The following RAB6A variants were observed in gnomAD, a reference collection of about 807,000 sequenced individuals.
RAB6A encodes RAB6A, member RAS oncogene family, also known as ras-related protein Rab-6A.
Under a neutral mutation model 32.3 loss-of-function variants are expected in RAB6A, and 8 were observed. The observed-to-expected ratio is 0.25, with a 90% CI of 0.15 to 0.45. The LOEUF (loss-of-function observed/expected upper bound fraction) is 0.45. Ranked by LOEUF, RAB6A falls within the 20% of genes least tolerant of loss-of-function variation. The pLI is 1.00. For missense variants in RAB6A, 104 were observed against 249.4 expected, an observed-to-expected ratio of 0.42 and a Z score of 3.93; for synonymous variants, 73 against 82.1, an observed-to-expected ratio of 0.89 and a Z score of 0.60.
At chr11:73,712,117 T>C (rs1460812949) in intron 5 of RAB6A, among the ~76,000 whole-genome samples, 2 of 152,232 alleles carry the variant, frequency 1.3e-5, no homozygotes, top group Non-Finnish European at 2.9e-5. Flanking sequence ...TTTTGTGCCA[T>C]AGCATTAGTA....
At chr11:73,678,570 T>C (rs778995892) in intron 7 of RAB6A, among the ~76,000 whole-genome samples, 1 of 151,440 alleles carries the variant, frequency 6.6e-6, no homozygotes, top group Non-Finnish European at 1.5e-5. Flanking sequence ...TGAGCTGAGA[T>C]TGCGCTGCTG....
At chr11:73,693,975 G>A (rs1206940575) in intron 6 of RAB6A, among the ~76,000 whole-genome samples, 1 of 152,058 alleles carries the variant, frequency 6.6e-6, no homozygotes, top group Non-Finnish European at 1.5e-5. Flanking sequence ...AAGCTTTCTT[G>A]AAAGGTTATG....
intron 6 of RAB6A, among the ~76,000 whole-genome samples, chr11:73,681,530 A>G (rs1377844793): frequency 6.6e-6 from 1 of 152,214 alleles, no homozygotes; most frequent in African/African-American, 2.4e-5. Flanking sequence ...AAAATGTATC[A>G]GGCCAGACTT....
At chr11:73,705,669 A>C (rs1945827060) in intron 6 of RAB6A, among the ~76,000 whole-genome samples, 1 of 152,120 alleles carries the variant, frequency 6.6e-6, no homozygotes, top group Non-Finnish European at 1.5e-5. Flanking sequence ...ATGGTATTAC[A>C]CAAATTATTT....
At chr11:73,718,084 T>A (rs1000311416) in intron 4 of RAB6A, among the ~76,000 whole-genome samples, 16 of 152,194 alleles carry the variant, frequency 1.1e-4, no homozygotes, top group Admixed American at 9.8e-4. Context: ...AATAAATCAG[T>A]CACAGAACCA....
chr11:73,740,087 G>GACTCT (rs1946471053), intron 1 of RAB6A, among the ~76,000 whole-genome samples: 2 of 151,430 alleles, frequency 1.3e-5, no homozygotes, highest in African/African-American at 4.9e-5. Flanking sequence ...AAAAAGAGAG[G>GACTCT]ACTCAATTAG....
In RAB6A at chr11:73,730,761, A is replaced by G. The variant is rs752648495; in HGVS notation, c.129+4T>C. 2 of 1,597,398 alleles carry G rather than the reference A, an allele frequency of 1.3e-6. No individual in the cohort carries two copies. Among genetic ancestry groups the G allele is most frequent in the Non-Finnish European group, 1.7e-6 (2 of 1,172,956 alleles). Reference sequence around the variant, plus strand: ...CAACAAATAAATTGGCAAAAACAAAATACCTGATAGGTGTTGTCAAAACTG... The same window carrying G: ...CAACAAATAAATTGGCAAAAACAAAGTACCTGATAGGTGTTGTCAAAACTG... On this transcript the variant is annotated splice_donor_region_variant and intron_variant, in intron 2 of 7. Transcript: ENST00000336083.
intron 6 of RAB6A, among the ~76,000 whole-genome samples, chr11:73,685,592 G>GTCTTTTTTTTTTTTTTTTT (rs1555054185): frequency 1.4e-5 from 2 of 145,164 alleles, no homozygotes; most frequent in Admixed American, 7.0e-5. Flanking sequence ...CGGACTGAAA[G>GTCTTTTTTTTTTTTTTTTT]TAGCGACCAG....
At chr11:73,718,908 AT>A (rs765587579) in intron 3 of RAB6A, 190 bp from the exon 4 acceptor site, 2 of 1,562,372 alleles carry the variant, frequency 1.3e-6, no homozygotes. Context: ...ATGGGAAAAA[AT>A]AAATAAAAAA....
chr11:73,685,885 C>CAAAAAAA (rs56270679), intron 6 of RAB6A, among the ~76,000 whole-genome samples: 10,962 of 100,700 alleles, frequency 0.11, 1,318 homozygotes, highest in Non-Finnish European at 0.13. Flanking sequence ...AACTCCGTCT[C>CAAAAAAA]AAAAAAAAAA....
rs374806352 is a variant in RAB6A at position 73,746,742 on chromosome 11, C to T, written c.70+13824G>A. 2.5e-4 allele frequency among the ~76,000 whole-genome samples: 37 copies of T among 148,524 alleles called. No individual in the cohort carries two copies. In the South Asian group the frequency reaches 6.8e-3, roughly 27 times the overall value. On this transcript the variant is annotated intron_variant, in intron 1 of 7. Transcript: ENST00000336083. ...TACCATCACACTCCAACCAGGGAGACGTAGCAAAACTCTGCCTCGAAATAA... is the reference window on the plus strand; with the variant it reads ...TACCATCACACTCCAACCAGGGAGATGTAGCAAAACTCTGCCTCGAAATAA...
chr11:73,692,732 C>T (rs189708402), intron 6 of RAB6A, among the ~76,000 whole-genome samples: 13 of 138,330 alleles, frequency 9.4e-5, no homozygotes, highest in African/African-American at 3.2e-4. Context: ...ATCACAAGTT[C>T]AGGAGATCAA....
rs183259590 is a variant in RAB6A at position 73,718,876 on chromosome 11, C to T, written c.184-158G>A. On this transcript the variant is annotated intron_variant, in intron 3 of 7. Coordinates refer to ENST00000336083, the MANE Select transcript of RAB6A (RefSeq NM_198896.2). ...AACGTTCCTGACCCGCAGTATCCCA[C>T]AGCTGAAGCCTGATCTGTGAGATGG... The T allele has an allele frequency of 1.1e-4, 178 of 1,608,994 alleles. 1 individual carries two copies. The East Asian group carries it at 2.7e-3, about 25-fold the overall frequency.
At chr11:73,722,091 GA>G (rs1259488602) in intron 2 of RAB6A, among the ~76,000 whole-genome samples, 1 of 141,242 alleles carries the variant, frequency 7.1e-6, no homozygotes, top group East Asian at 1.9e-4. Context: ...CAGCCATGTG[GA>G]ACTTGAGTCT....
intron 1 of RAB6A, among the ~76,000 whole-genome samples, chr11:73,739,085 T>C (rs971314365): frequency 6.7e-6 from 1 of 149,554 alleles, no homozygotes; most frequent in Admixed American, 6.8e-5. Flanking sequence ...CTGGCCAACG[T>C]GGTGAAATCC....
At chr11:73,682,337 T>G (rs1467417947) in intron 6 of RAB6A, among the ~76,000 whole-genome samples, 1 of 151,980 alleles carries the variant, frequency 6.6e-6, no homozygotes, top group Non-Finnish European at 1.5e-5. Context: ...CTGCAACAAT[T>G]AATGACTGTG....
At chr11:73,707,279 A>G (rs1945862347) in intron 6 of RAB6A, 141 bp downstream of exon 6, 1 of 585,974 alleles carries the variant, frequency 1.7e-6, no homozygotes, top group African/African-American at 1.9e-5. Context: ...TGCCACATTT[A>G]TATTTTTCAC....
intron 2 of RAB6A, among the ~76,000 whole-genome samples, chr11:73,721,849 A>T (rs546080618): frequency 6.6e-6 from 1 of 152,296 alleles, no homozygotes; most frequent in African/African-American, 2.4e-5. Context: ...TTAAGTTCCT[A>T]AAAAACAATC....
At chr11:73,708,396 T>C (rs1945884708) in intron 5 of RAB6A, among the ~76,000 whole-genome samples, 2 of 152,178 alleles carry the variant, frequency 1.3e-5, no homozygotes, top group Admixed American at 1.3e-4. Context: ...CTCAAACTCC[T>C]GACCTCAGGT....
Sources: allele counts gnomAD v4.1 joint callset (sites outside exome capture counted in the v4.1 genomes callset), GRCh38; gene constraint gnomAD v4.1.1; transcripts MANE v1.5; gene names NCBI Gene and HGNC (gene_info 2026-07-23, HGNC 2026-07-21).